The following TCF12 variants were observed in gnomAD, a reference collection of about 807,000 sequenced individuals.
The protein encoded by TCF12 is DNA-binding protein HTF4.
Under a neutral mutation model 86.0 loss-of-function variants are expected in TCF12, and 45 were observed. That is an observed-to-expected ratio of 0.52 (90% confidence interval 0.41 to 0.67). The LOEUF (loss-of-function observed/expected upper bound fraction) is 0.67, where lower values mean the gene tolerates loss of function less well. TCF12 is among the 30% of genes least tolerant of loss of function. The pLI, the probability that TCF12 is intolerant of heterozygous loss-of-function variation, is 0.00. For synonymous variants in TCF12, 330 were observed against 299.6 expected (o/e 1.10, Z -1.05); for missense variants, 881 against 859.9 (o/e 1.02, Z -0.31).
At chr15:57,219,657 T>A (rs2151856697) in intron 8 of TCF12, 1 of 1,464,538 alleles carries the variant, frequency 6.8e-7, no homozygotes, top group Non-Finnish European at 9.5e-7. Context: ...CATTACTCGC[T>A]TTTTACTAAA....
chr15:57,087,963 C>T (rs748805678), intron 4 of TCF12, among the ~76,000 whole-genome samples: 1 of 152,026 alleles, frequency 6.6e-6, no homozygotes, highest in Non-Finnish European at 1.5e-5. Context: ...AATTAGGAGT[C>T]CTGGGAGCCA....
chr15:57,114,597 G>A (rs564125922), intron 5 of TCF12, among the ~76,000 whole-genome samples: 4 of 152,118 alleles, frequency 2.6e-5, no homozygotes, highest in South Asian at 2.1e-4. Context: ...CATGCCCCAC[G>A]TATAATGTTT....
chr15:57,258,978 T>C (rs16977354), intron 16 of TCF12, among the ~76,000 whole-genome samples: 7,682 of 152,216 alleles, frequency 0.05, 546 homozygotes, highest in African/African-American at 0.16. Flanking sequence ...GGGTTTGTAA[T>C]ACGGTAGAAA....
chr15:57,254,870 A>G (rs1179329961), intron 16 of TCF12, among the ~76,000 whole-genome samples: 1 of 145,072 alleles, frequency 6.9e-6, no homozygotes, highest in African/African-American at 2.5e-5. Flanking sequence ...AAAAAAAAAA[A>G]AAAAAAAGAA....
intron 19 of TCF12, among the ~76,000 whole-genome samples, chr15:57,274,566 C>A (rs1020004830): frequency 2.0e-5 from 3 of 152,094 alleles, no homozygotes; most frequent in African/African-American, 7.2e-5. Context: ...ACTACTGATA[C>A]CTCCTGTCAC....
chr15:57,272,081 T>A (rs1470462753), intron 18 of TCF12, among the ~76,000 whole-genome samples: 1 of 152,238 alleles, frequency 6.6e-6, no homozygotes, highest in African/African-American at 2.4e-5. Flanking sequence ...TGATCTTTCA[T>A]GACTGGCTTT....
At chr15:57,044,430 G>A (rs1165852830) in intron 3 of TCF12, among the ~76,000 whole-genome samples, 1 of 152,076 alleles carries the variant, frequency 6.6e-6, no homozygotes, top group African/African-American at 2.4e-5. Flanking sequence ...TTCTTTAAGT[G>A]AAGTTACTTA....
At chr15:56,996,788 A>G (rs1202444727) in intron 3 of TCF12, among the ~76,000 whole-genome samples, 1 of 151,782 alleles carries the variant, frequency 6.6e-6, no homozygotes, top group Non-Finnish European at 1.5e-5. Flanking sequence ...CAACTAGCAG[A>G]TAACCCCATT....
rs111353555 is a variant in TCF12 at position 57,177,835 on chromosome 15, G to A, written c.390+11369G>A. ...TCCCAGGTTTGGGTAATTCACTGCAGCCTCCTGGGACTACAGGCATGTGCC... is the reference window on the plus strand; with the variant it reads ...TCCCAGGTTTGGGTAATTCACTGCAACCTCCTGGGACTACAGGCATGTGCC... On this transcript the variant is annotated intron_variant, in intron 6 of 20. Transcript: ENST00000333725. 3.1e-3 allele frequency among the ~76,000 whole-genome samples: 478 copies of A among 151,980 alleles called. 1 individual carries two copies. Among genetic ancestry groups the A allele is most frequent in the African/African-American group, 0.011 (460 of 41,450 alleles).
intron 3 of TCF12, among the ~76,000 whole-genome samples, chr15:56,936,022 T>G (rs1205023959): frequency 5.3e-5 from 8 of 152,258 alleles, no homozygotes; most frequent in African/African-American, 1.9e-4. Context: ...ATGGGATTGC[T>G]GGATCAAATG....
intron 3 of TCF12, among the ~76,000 whole-genome samples, chr15:57,035,934 C>G (rs894317389): frequency 1.3e-5 from 2 of 152,300 alleles, no homozygotes; most frequent in South Asian, 2.1e-4. Context: ...TCATAGGAAC[C>G]AAACCCTATT....
rs148188791 is a variant in TCF12, at chr15:57,001,258, G to A, written c.149-62492G>A. The stretch of plus-strand genomic sequence containing the variant: ...TTGAATTCCTGACCTCAAGTAATCC[G>A]CCCACCTCAGCCTCCTACAGTGCTG... On this transcript the variant is annotated intron_variant, in intron 3 of 20. Transcript: ENST00000333725. The A allele has an allele frequency of 4.0e-3, 669 of 165,712 alleles. 7 individuals are homozygous for A. The highest frequency in any genetic ancestry group is 0.021 in the Admixed American group (323 of 15,522). The allele number at this position is 165,712 out of a possible 1,614,324, so 10.3% of individuals were successfully genotyped here.
At chr15:57,249,980 AT>A (rs1455084612) in intron 13 of TCF12, among the ~76,000 whole-genome samples, 2 of 151,826 alleles carry the variant, frequency 1.3e-5, no homozygotes, top group African/African-American at 4.8e-5. Context: ...TGGATGAATT[AT>A]TTTTTTATGC....
At chr15:57,033,957 A>G (rs1399168100) in intron 3 of TCF12, among the ~76,000 whole-genome samples, 8 of 152,184 alleles carry the variant, frequency 5.3e-5, no homozygotes, top group African/African-American at 1.7e-4. Context: ...ACCTAAAGCT[A>G]TTCATCCTGC....
intron 8 of TCF12, among the ~76,000 whole-genome samples, chr15:57,226,573 T>G (rs1475168741): frequency 2.0e-5 from 3 of 152,124 alleles, no homozygotes; most frequent in African/African-American, 7.2e-5. Flanking sequence ...AGCCCAAACA[T>G]AGTGAAATCT....
At chr15:57,223,661 T>G (rs866053550) in intron 8 of TCF12, among the ~76,000 whole-genome samples, 4 of 142,516 alleles carry the variant, frequency 2.8e-5, no homozygotes, top group Admixed American at 7.0e-5. Context: ...TTTTTTTTTT[T>G]TTTTTTTTTT....
chr15:56,945,011 C>T (rs1321109670), intron 3 of TCF12, among the ~76,000 whole-genome samples: 1 of 152,000 alleles, frequency 6.6e-6, no homozygotes, highest in African/African-American at 2.4e-5. Flanking sequence ...GTAAATTTTC[C>T]TTGGTAATAT....
At chr15:57,007,766 C>T (rs1419712750) in intron 3 of TCF12, among the ~76,000 whole-genome samples, 1 of 37,218 alleles carries the variant, frequency 2.7e-5, no homozygotes, top group East Asian at 1.0e-3. Flanking sequence ...TTCTTTCTTT[C>T]TTTCTTTCTT....
At chr15:57,168,717 C>A (rs1315844410) in intron 6 of TCF12, among the ~76,000 whole-genome samples, 2 of 152,280 alleles carry the variant, frequency 1.3e-5, no homozygotes, top group East Asian at 3.9e-4. Context: ...CATCATTCTT[C>A]TGAATCTCTT....
Sources: allele counts gnomAD v4.1 joint callset (sites outside exome capture counted in the v4.1 genomes callset), GRCh38; gene constraint gnomAD v4.1.1; transcripts MANE v1.5; gene names NCBI Gene and HGNC (gene_info 2026-07-23, HGNC 2026-07-21).